TTC28: variants seen among roughly 807,000 people sequenced by gnomAD.
The protein encoded by TTC28 is tetratricopeptide repeat domain 28, also known as tetratricopeptide repeat protein 28.
A neutral mutation model predicts 198.0 loss-of-function variants in TTC28; 61 were observed. The observed-to-expected ratio is 0.31, with a 90% CI of 0.25 to 0.38. TTC28 has a LOEUF of 0.38. TTC28 is among the 10% of genes least tolerant of loss of function. The probability of loss-of-function intolerance (pLI) is 1.00; values close to 1 mark genes in which losing one functional copy is unlikely to be tolerated. For missense variants in TTC28, 2,678 were observed against 3,164.0 expected, an observed-to-expected ratio of 0.85 and a Z score of 3.69; for synonymous variants, 1,171 against 1,297.8, an observed-to-expected ratio of 0.90 and a Z score of 2.10.
intron 2 of TTC28, among the ~76,000 whole-genome samples, chr22:28,456,077 C>T (rs1439167237): frequency 6.6e-6 from 1 of 150,524 alleles, no homozygotes; most frequent in African/African-American, 2.5e-5. Context: ...GAGAATCACT[C>T]GAACCTGGGA....
chr22:28,217,232 T>G (rs1407849412), intron 5 of TTC28, among the ~76,000 whole-genome samples: 1 of 152,116 alleles, frequency 6.6e-6, no homozygotes, highest in Admixed American at 6.6e-5. Flanking sequence ...AAAGAGCTCA[T>G]GTACCCTATC....
intron 13 of TTC28, among the ~76,000 whole-genome samples, chr22:28,015,419 TAAAAAAAA>T (rs138678): frequency 0.089 from 9,795 of 109,680 alleles, 416 homozygotes; most frequent in South Asian, 0.12. Flanking sequence ...GAGATAGCTT[TAAAAAAAA>T]AAAAAAAAAA....
rs146241438 is a variant in TTC28, at chr22:28,376,115, T to C, written c.382-69472A>G. Among the ~76,000 whole-genome samples, 344 of 152,214 alleles carry C rather than the reference T, an allele frequency of 2.3e-3. 2 individuals are homozygous for C. Among genetic ancestry groups the C allele is most frequent in the South Asian group, 0.01 (50 of 4,814 alleles). ...CTCATGAGCCAATTCCCCTAACAAA[T>C]CCCTTCTCATCTATCTTCATACCTA... On this transcript the variant is annotated intron_variant, in intron 2 of 22. Transcript: ENST00000397906.
chr22:28,183,800 G>GTTT (rs950269599), intron 5 of TTC28, among the ~76,000 whole-genome samples: 9 of 152,072 alleles, frequency 5.9e-5, no homozygotes, highest in African/African-American at 2.2e-4. Flanking sequence ...ATTTCTGACA[G>GTTT]TTTTACTTTA....
At chr22:28,096,019 T>A (rs1941959801) in intron 11 of TTC28, among the ~76,000 whole-genome samples, 171 bp downstream of exon 11, 1 of 152,226 alleles carries the variant, frequency 6.6e-6, no homozygotes, top group African/African-American at 2.4e-5. Flanking sequence ...CTGGGCTGTC[T>A]TATTATCTGA....
At chr22:28,260,589 G>C (rs572564800) in intron 5 of TTC28, among the ~76,000 whole-genome samples, 1 of 152,214 alleles carries the variant, frequency 6.6e-6, no homozygotes, top group South Asian at 2.1e-4. Context: ...GAAAATAAAA[G>C]GTGAAATGAT....
chr22:28,398,402 G>C (rs1465270352), intron 2 of TTC28, among the ~76,000 whole-genome samples: 1 of 152,206 alleles, frequency 6.6e-6, no homozygotes, highest in Admixed American at 6.5e-5. Context: ...CTAAGAAGAG[G>C]AGGGGCAAGA....
chr22:28,013,372 T>C (rs1938232982), intron 14 of TTC28, among the ~76,000 whole-genome samples: 1 of 152,208 alleles, frequency 6.6e-6, no homozygotes, highest in African/African-American at 2.4e-5. Context: ...CGTTGGGATT[T>C]GCGAAGATCC....
intron 2 of TTC28, among the ~76,000 whole-genome samples, chr22:28,498,986 G>A (rs1969875659): frequency 6.6e-6 from 1 of 151,860 alleles, no homozygotes; most frequent in Admixed American, 6.6e-5. Flanking sequence ...AACCGGTCTG[G>A]GCAGCACAGT....
chr22:28,028,436 G>A (rs1365015566), intron 13 of TTC28, among the ~76,000 whole-genome samples: 2 of 152,210 alleles, frequency 1.3e-5, no homozygotes, highest in Admixed American at 6.5e-5. Flanking sequence ...AAAGTGCACA[G>A]CACCCCAAGC....
At chr22:28,223,898 G>GA (rs1601499020) in intron 5 of TTC28, among the ~76,000 whole-genome samples, 1 of 152,152 alleles carries the variant, frequency 6.6e-6, no homozygotes, top group East Asian at 1.9e-4. Flanking sequence ...ATTTTGGCGG[G>GA]AAAATCCCAC....
chr22:28,191,717 T>A (rs1379710340), intron 5 of TTC28, among the ~76,000 whole-genome samples: 1 of 152,102 alleles, frequency 6.6e-6, no homozygotes, highest in East Asian at 1.9e-4. Context: ...GAGATCAAAT[T>A]GCAAGGTGGA....
chr22:28,187,661 C>G (rs1406696003), intron 5 of TTC28, among the ~76,000 whole-genome samples: 1 of 152,166 alleles, frequency 6.6e-6, no homozygotes, highest in Non-Finnish European at 1.5e-5. Flanking sequence ...TGGGTGCCAT[C>G]AAAGGCAAAC....
In TTC28 at chr22:28,663,718, G is replaced by A. The variant is rs1273837703; in HGVS notation, c.102+15904C>T. Among the ~76,000 whole-genome samples, 18 of 142,432 alleles carry A rather than the reference G, an allele frequency of 1.3e-4. No individual in the cohort carries two copies. In the South Asian group the frequency reaches 3.6e-3, roughly 29 times the overall value. 93.4% of individuals were successfully genotyped at this position (142,432 alleles called of 152,430 possible). The stretch of plus-strand genomic sequence containing the variant: ...ACTGCAAGGCGGCAGCCAGGCTGGG[G>A]GAGGGGCGCCCGCCATTGCCCAGGC... On this transcript the variant is annotated intron_variant, in intron 1 of 22. Transcript: ENST00000397906.
At chr22:28,014,660 A>G (rs1451912119) in intron 13 of TTC28, among the ~76,000 whole-genome samples, 1 of 152,220 alleles carries the variant, frequency 6.6e-6, no homozygotes, top group Non-Finnish European at 1.5e-5. Flanking sequence ...AAATGTCCCT[A>G]AGTGCTGTTC....
intron 1 of TTC28, among the ~76,000 whole-genome samples, chr22:28,677,632 C>T (rs1381233204): frequency 6.6e-6 from 1 of 151,970 alleles, no homozygotes; most frequent in African/African-American, 2.4e-5. Flanking sequence ...GACTGAGACT[C>T]TGTCTCAAAA....
intron 6 of TTC28, among the ~76,000 whole-genome samples, chr22:28,145,474 C>T (rs779920778): frequency 3.3e-5 from 5 of 152,058 alleles, no homozygotes; most frequent in African/African-American, 4.8e-5. Context: ...GATCAATGAA[C>T]GGTGGGGGCA....
chr22:28,187,578 T>G (rs545278964), intron 5 of TTC28, among the ~76,000 whole-genome samples: 1 of 152,330 alleles, frequency 6.6e-6, no homozygotes, highest in African/African-American at 2.4e-5. Flanking sequence ...TCCAGGTGGG[T>G]TACATTTCCC....
chr22:28,246,587 T>C (rs1457491992), intron 5 of TTC28, among the ~76,000 whole-genome samples: 2 of 152,176 alleles, frequency 1.3e-5, no homozygotes, highest in African/African-American at 4.8e-5. Context: ...TGACCAAGTA[T>C]TTGGCACCTT....
Sources: allele counts gnomAD v4.1 joint callset (sites outside exome capture counted in the v4.1 genomes callset), GRCh38; gene constraint gnomAD v4.1.1; transcripts MANE v1.5; gene names NCBI Gene and HGNC (gene_info 2026-07-23, HGNC 2026-07-21).